SGCZ: variants seen among roughly 807,000 people sequenced by gnomAD.
SGCZ encodes sarcoglycan zeta.
In SGCZ, 40 loss-of-function variants were observed where a neutral mutation model predicts 41.3. That is an observed-to-expected ratio of 0.97 (90% CI 0.75 to 1.26). The LOEUF is 1.26. SGCZ is among the 50% of genes most tolerant of loss of function. The probability of loss-of-function intolerance (pLI) is 0.00; values close to 1 mark genes in which losing one functional copy is unlikely to be tolerated. For synonymous variants in SGCZ, 206 were observed against 137.5 expected (o/e 1.50, Z -3.49); for missense variants, 552 against 369.8 (o/e 1.49, Z -4.04).
chr8:14,267,212 CT>C (rs368540323), intron 3 of SGCZ, among the ~76,000 whole-genome samples: 1 of 151,958 alleles, frequency 6.6e-6, no homozygotes, highest in East Asian at 1.9e-4. Flanking sequence ...AATATGCATA[CT>C]GGGGTATGTA....
intron 1 of SGCZ, among the ~76,000 whole-genome samples, chr8:15,136,612 T>G (rs1390322309): frequency 6.6e-6 from 1 of 152,080 alleles, no homozygotes; most frequent in Non-Finnish European, 1.5e-5. Flanking sequence ...CTATTTGCCT[T>G]ATAATGAGAG....
chr8:14,511,013 A>T (rs556046389), intron 2 of SGCZ, among the ~76,000 whole-genome samples: 1 of 152,056 alleles, frequency 6.6e-6, no homozygotes, highest in East Asian at 1.9e-4. Flanking sequence ...TAGATAGAAG[A>T]TATTTATTTT....
intron 1 of SGCZ, among the ~76,000 whole-genome samples, chr8:14,719,989 T>C (rs1457530971): frequency 6.6e-6 from 1 of 152,070 alleles, no homozygotes; most frequent in Non-Finnish European, 1.5e-5. Context: ...AGGTTTTAGG[T>C]CTAAAGTTTA....
At chr8:14,342,708 G>T (rs950524558) in intron 2 of SGCZ, among the ~76,000 whole-genome samples, 2 of 152,126 alleles carry the variant, frequency 1.3e-5, no homozygotes, top group Non-Finnish European at 2.9e-5. Flanking sequence ...GAGCATAAAG[G>T]CTTGGAAATT....
chr8:14,402,433 A>C (rs995017143), intron 2 of SGCZ, among the ~76,000 whole-genome samples: 17 of 151,810 alleles, frequency 1.1e-4, no homozygotes, highest in South Asian at 4.1e-4. Flanking sequence ...TCGAACGTTT[A>C]AGTCTTTAAT....
intron 5 of SGCZ, among the ~76,000 whole-genome samples, chr8:14,132,212 C>T (rs1291223025): frequency 6.6e-6 from 1 of 152,044 alleles, no homozygotes; most frequent in Non-Finnish European, 1.5e-5. Context: ...TTTTTTTCTT[C>T]TACCTGCTTA....
chr8:14,104,778 G>A lies in SGCZ; in HGVS notation c.621-2279C>T, dbSNP rs185268067. On this transcript the variant is annotated intron_variant, in intron 6 of 7. Transcript: ENST00000382080. ...TGTGTATTAGAGCTATGTGTTTCTA[G>A]AGATTAACTTGGAGCCTGCAAACCT... 2.8e-3 allele frequency among the ~76,000 whole-genome samples: 420 copies of A among 152,150 alleles called. 4 individuals are homozygous for A. Among genetic ancestry groups the A allele is most frequent in the Non-Finnish European group, 2.7e-3 (183 of 67,930 alleles).
intron 2 of SGCZ, among the ~76,000 whole-genome samples, chr8:14,347,850 C>A (rs899109733): frequency 1.3e-5 from 2 of 152,110 alleles, no homozygotes; most frequent in East Asian, 1.9e-4. Context: ...AAGAAGTGAA[C>A]GAAATACATG....
At chr8:14,993,060 G>C (rs1386669823) in intron 1 of SGCZ, among the ~76,000 whole-genome samples, 1 of 151,764 alleles carries the variant, frequency 6.6e-6, no homozygotes, top group South Asian at 2.1e-4. Context: ...CCCAAAACTA[G>C]TGTTAATCTT....
At chr8:14,503,959 G>A (rs1045754212) in intron 2 of SGCZ, among the ~76,000 whole-genome samples, 1 of 151,972 alleles carries the variant, frequency 6.6e-6, no homozygotes, top group African/African-American at 2.4e-5. Context: ...AAGTTTTAAG[G>A]GGAAGAACAG....
intron 5 of SGCZ, among the ~76,000 whole-genome samples, chr8:14,122,756 ATTC>A (rs1437628770): frequency 2.6e-5 from 4 of 152,138 alleles, no homozygotes; most frequent in Admixed American, 6.5e-5. Flanking sequence ...GTTTTTAGGA[ATTC>A]TTCTTTCTCC....
chr8:14,186,001 T>G (rs1585211434), intron 4 of SGCZ, among the ~76,000 whole-genome samples: 1 of 152,322 alleles, frequency 6.6e-6, no homozygotes, highest in African/African-American at 2.4e-5. Flanking sequence ...CATTGGATGT[T>G]AGTTTGTCCC....
chr8:14,656,388 T>A (rs923523723), intron 1 of SGCZ, among the ~76,000 whole-genome samples: 2 of 148,764 alleles, frequency 1.3e-5, no homozygotes, highest in African/African-American at 2.5e-5. Flanking sequence ...TTCTTCTTTT[T>A]CTCCCTTTCT....
At chr8:15,145,301 A>G (rs1209975062) in intron 1 of SGCZ, among the ~76,000 whole-genome samples, 1 of 152,184 alleles carries the variant, frequency 6.6e-6, no homozygotes, top group Admixed American at 6.5e-5. Context: ...CTAAAATATT[A>G]TTTGGTAATA....
chr8:14,911,079 T>C (rs1218233634), intron 1 of SGCZ, among the ~76,000 whole-genome samples: 1 of 152,082 alleles, frequency 6.6e-6, no homozygotes, highest in Non-Finnish European at 1.5e-5. Flanking sequence ...ACTATTTTTA[T>C]AAACTGTCTT....
chr8:14,878,750 G>A (rs990584411), intron 1 of SGCZ, among the ~76,000 whole-genome samples: 2 of 152,156 alleles, frequency 1.3e-5, no homozygotes, highest in African/African-American at 4.8e-5. Context: ...AATGGCAGAG[G>A]CAATGAAACA....
At chr8:14,426,813 A>G (rs1799795342) in intron 2 of SGCZ, among the ~76,000 whole-genome samples, 1 of 152,200 alleles carries the variant, frequency 6.6e-6, no homozygotes, top group African/African-American at 2.4e-5. Context: ...AGTGAGTTGC[A>G]AAGATTGGAA....
At chr8:14,653,331 A>T (rs1807463008) in intron 1 of SGCZ, among the ~76,000 whole-genome samples, 1 of 152,146 alleles carries the variant, frequency 6.6e-6, no homozygotes, top group East Asian at 1.9e-4. Context: ...CTTGTGTTCC[A>T]GATATCTAGT....
At chr8:14,784,913 A>AAAAATATATATATATATAT (rs1408574493) in intron 1 of SGCZ, among the ~76,000 whole-genome samples, 40 of 87,998 alleles carry the variant, frequency 4.5e-4, no homozygotes, top group African/African-American at 1.9e-3. Flanking sequence ...AAAAAAAAAA[A>AAAAATATATATATATATAT]ATATATATAT....
Sources: gnomAD v4.1 joint callset for allele counts (sites outside exome capture counted in the v4.1 genomes callset) on GRCh38, gnomAD v4.1.1 for gene constraint, MANE v1.5 for transcripts, NCBI Gene and HGNC (gene_info 2026-07-23, HGNC 2026-07-21) for gene names.